Variants in GRIP1 observed in about 807,000 individuals in gnomAD.
The protein encoded by GRIP1 is glutamate receptor interacting protein 1, also known as glutamate receptor-interacting protein 1.
A neutral mutation model predicts 129.9 loss-of-function variants in GRIP1; 45 were observed. The observed-to-expected ratio is 0.35, with a 90% CI of 0.27 to 0.44. The LOEUF (loss-of-function observed/expected upper bound fraction) is 0.44. Ranked by LOEUF, GRIP1 falls within the 20% of genes least tolerant of loss-of-function variation. GRIP1 has a pLI of 1.00. For missense variants in GRIP1, 1,196 were observed against 1,396.8 expected, an observed-to-expected ratio of 0.86 and a Z score of 2.29; for synonymous variants, 530 against 520.8, an observed-to-expected ratio of 1.02 and a Z score of -0.24.
At chr12:66,518,094 A>T in intron 5 of GRIP1, 118 bp from the exon 6 acceptor site, 1 of 747,052 alleles carries the variant, frequency 1.3e-6, no homozygotes, top group African/African-American at 1.7e-5. Flanking sequence ...AAATATGTAA[A>T]ATTTTCCTTG....
intron 7 of GRIP1, among the ~76,000 whole-genome samples, chr12:66,486,923 T>G (rs909721353): frequency 3.3e-5 from 5 of 152,128 alleles, no homozygotes; most frequent in African/African-American, 1.2e-4. Flanking sequence ...ACCGAGTAGC[T>G]GGTACCACAG....
chr12:66,574,940 T>A (rs1241646255), intron 2 of GRIP1, among the ~76,000 whole-genome samples: 1 of 152,020 alleles, frequency 6.6e-6, no homozygotes, highest in Non-Finnish European at 1.5e-5. Flanking sequence ...GCTATTTTTT[T>A]TTTCTATTTT....
intron 7 of GRIP1, among the ~76,000 whole-genome samples, chr12:66,504,050 G>A (rs931681767): frequency 6.6e-6 from 1 of 152,142 alleles, no homozygotes; most frequent in African/African-American, 2.4e-5. Context: ...TTGCTATAAG[G>A]CTGTACTGTC....
chr12:66,715,788 A>T (rs2035869487), intron 1 of GRIP1, among the ~76,000 whole-genome samples: 1 of 152,048 alleles, frequency 6.6e-6, no homozygotes, highest in South Asian at 2.1e-4. Flanking sequence ...TGATAAAGAC[A>T]TTTTAGATTT....
rs560518909 is a variant in GRIP1 at position 66,946,675 on chromosome 12, T to A, written c.58+122375A>T. 7.1e-4 allele frequency among the ~76,000 whole-genome samples: 107 copies of A among 149,906 alleles called. 4 individuals carry two copies. Among genetic ancestry groups the A allele is most frequent in the Admixed American group, 6.5e-3 (97 of 15,022 alleles). On this transcript the variant is annotated intron_variant, in intron 1 of 1. Coordinates refer to the GRIP1 transcript ENST00000643019. ...GACTGCACTGCACACACATCCCAGG[T>A]GTTGTCAATATGTCCCTTTAAAAAC...
At chr12:66,813,859 T>C (rs2039153433) in intron 1 of GRIP1, among the ~76,000 whole-genome samples, 1 of 152,152 alleles carries the variant, frequency 6.6e-6, no homozygotes, top group Admixed American at 6.5e-5. Flanking sequence ...TGCACAGTGT[T>C]AAATAGGGAA....
chr12:66,450,930 A>G (rs1052857546), intron 11 of GRIP1, among the ~76,000 whole-genome samples: 3 of 152,248 alleles, frequency 2.0e-5, no homozygotes, highest in African/African-American at 4.8e-5. Context: ...GAAGGTGAAT[A>G]TTCCCCCGTC....
At chr12:67,064,100 A>G (rs923327182) in intron 1 of GRIP1, among the ~76,000 whole-genome samples, 10 of 152,226 alleles carry the variant, frequency 6.6e-5, no homozygotes, top group African/African-American at 2.4e-4. Context: ...ATGTAGTCAA[A>G]TAATTCAACT....
chr12:66,667,925 G>A (rs1056136972), intron 1 of GRIP1, among the ~76,000 whole-genome samples: 2 of 152,144 alleles, frequency 1.3e-5, no homozygotes, highest in Non-Finnish European at 2.9e-5. Context: ...GCCAGGAAGG[G>A]TGGCTCCTCC....
chr12:66,703,557 C>A (rs2035421939), intron 1 of GRIP1, among the ~76,000 whole-genome samples: 1 of 151,812 alleles, frequency 6.6e-6, no homozygotes, highest in South Asian at 2.1e-4. Flanking sequence ...AAGTAGAGAT[C>A]CAAGGAATAT....
At chr12:66,514,001 G>C (rs1337701233) in intron 7 of GRIP1, among the ~76,000 whole-genome samples, 2 of 152,128 alleles carry the variant, frequency 1.3e-5, no homozygotes, top group Non-Finnish European at 2.9e-5. Context: ...GTTTTAACCT[G>C]TTACCTCTTC....
At chr12:66,643,097 C>A (rs1411648483) in intron 1 of GRIP1, among the ~76,000 whole-genome samples, 2 of 152,208 alleles carry the variant, frequency 1.3e-5, no homozygotes, top group Non-Finnish European at 2.9e-5. Context: ...TAAAGAAGTT[C>A]ATAATATCCA....
At position 66,456,219 on chromosome 12, in the gene GRIP1, G is replaced by A; in HGVS notation, c.1166C>T (p.Thr389Ile). 1 of 1,289,648 alleles carries A rather than the reference G, an allele frequency of 7.8e-7. No homozygotes were observed. The highest frequency in any genetic ancestry group is 1.0e-6 in the Non-Finnish European group (1 of 988,430). 79.9% of individuals were successfully genotyped at this position (1,289,648 alleles called of 1,614,324 possible). A position where few individuals can be genotyped will look rare whatever the true frequency, so the allele number is the denominator to read the frequency against. ...HPDHCRVPAL[T>I]FPKAPPPNSP... ...GTTTGGAGGAGGTGCTTTCGGGAAT[G>A]TCAGGGCTGGTACTCTGCAATGGTC... Residue 389 changes from threonine (T) to isoleucine (I), a missense_variant, in exon 10 of 25, where the codon ACA becomes ATA. Around this residue, in one of 5 missense-constraint regions of GRIP1, gnomAD observed 508 missense variants for 587.0 expected, o/e 0.87. Transcript: ENST00000359742.
rs529644241 is a variant in GRIP1, at chr12:66,996,586, G to A, written c.58+72464C>T. 5.3e-5 allele frequency among the ~76,000 whole-genome samples: 8 copies of A among 152,130 alleles called. No homozygotes were observed. The South Asian group carries it at 1.7e-3, about 32-fold the overall frequency. The stretch of plus-strand genomic sequence containing the variant: ...TACACAAGGGAATAGAGAAACCCAG[G>A]CCAAACCCATTGAATCCCCTCTCCC... On this transcript the variant is annotated intron_variant, in intron 1 of 1. Coordinates refer to the GRIP1 transcript ENST00000643019.
At chr12:66,449,614 G>A (rs761470111) in intron 11 of GRIP1, among the ~76,000 whole-genome samples, 10 of 152,136 alleles carry the variant, frequency 6.6e-5, no homozygotes, top group Non-Finnish European at 1.2e-4. Flanking sequence ...TATTAATTTA[G>A]ATCACATGTT....
At chr12:67,004,917 T>A (rs535094776) in intron 1 of GRIP1, among the ~76,000 whole-genome samples, 2 of 151,722 alleles carry the variant, frequency 1.3e-5, no homozygotes, top group South Asian at 2.1e-4. Context: ...GAGCAAAAAA[T>A]TTAATACACT....
chr12:66,417,907 T>C (rs939102459), intron 15 of GRIP1, among the ~76,000 whole-genome samples: 1 of 152,120 alleles, frequency 6.6e-6, no homozygotes, highest in Non-Finnish European at 1.5e-5. Flanking sequence ...AAAATACCAA[T>C]GACAGTCTTC....
chr12:66,468,291 C>T (rs2059342663), intron 7 of GRIP1, among the ~76,000 whole-genome samples: 1 of 152,188 alleles, frequency 6.6e-6, no homozygotes, highest in African/African-American at 2.4e-5. Context: ...ACCATGCAGA[C>T]CAGGGCATCA....
chr12:66,510,387 C>A (rs965022836), intron 7 of GRIP1, among the ~76,000 whole-genome samples: 3 of 152,118 alleles, frequency 2.0e-5, no homozygotes, highest in African/African-American at 7.2e-5. Context: ...TTCTCCCCTA[C>A]GTATCTCATC....
Sources: allele counts gnomAD v4.1 joint callset (sites outside exome capture counted in the v4.1 genomes callset), GRCh38; gene constraint gnomAD v4.1.1; regional missense constraint gnomAD v4.1.1; transcripts MANE v1.5; gene names NCBI Gene and HGNC (gene_info 2026-07-23, HGNC 2026-07-21).